The following PDHX variants were observed in gnomAD, a reference collection of about 807,000 sequenced individuals.
PDHX encodes pyruvate dehydrogenase protein X component, mitochondrial.
PDHX carries 33 observed loss-of-function variants against 55.3 expected under a neutral mutation model. That is an observed-to-expected ratio of 0.60 (90% confidence interval 0.45 to 0.80). The LOEUF is 0.80. Among genes scored for constraint, PDHX ranks in the 30% least tolerant of loss-of-function variants. The pLI, the probability that PDHX is intolerant of heterozygous loss-of-function variation, is 0.00. For missense variants in PDHX, 622 were observed against 619.9 expected (o/e 1.00, Z -0.04); for synonymous variants, 226 against 219.4 (o/e 1.03, Z -0.27).
intron 8 of PDHX, among the ~76,000 whole-genome samples, chr11:34,984,357 C>G (rs961079625): frequency 2.0e-5 from 3 of 152,136 alleles, no homozygotes; most frequent in East Asian, 1.9e-4. Flanking sequence ...TTTCTTCAAA[C>G]TTGCTTCAAA....
At chr11:34,994,781 C>A in intron 10 of PDHX, 133 bp from the exon 11 acceptor site, 1 of 902,796 alleles carries the variant, frequency 1.1e-6, no homozygotes, top group Non-Finnish European at 1.8e-6. Context: ...TAAATGTTTC[C>A]TTTTTTCATT....
rs764306740 is a variant in PDHX at position 34,947,249 on chromosome 11, A to G, written c.242-257A>G. On this transcript the variant is annotated intron_variant, in intron 2 of 10. Coordinates refer to ENST00000227868, the MANE Select transcript of PDHX (RefSeq NM_003477.3). The stretch of plus-strand genomic sequence containing the variant: ...AGGTTGATTTCATTTTTACATGCTC[A>G]GTAATCTTTGTAATAGCTTTTTTAT... Among the ~76,000 whole-genome samples, 35 of 152,170 alleles carry G rather than the reference A, an allele frequency of 2.3e-4. 1 individual carries two copies. Among genetic ancestry groups the G allele is most frequent in the Non-Finnish European group, 4.0e-4 (27 of 68,022 alleles).
At chr11:34,982,118 G>A (rs1298484060) in intron 8 of PDHX, among the ~76,000 whole-genome samples, 1 of 152,046 alleles carries the variant, frequency 6.6e-6, no homozygotes, top group East Asian at 1.9e-4. Context: ...TTTCTTCTAG[G>A]GTTTTTATGG....
chr11:34,955,833 A>G (rs1854894761), intron 3 of PDHX, among the ~76,000 whole-genome samples: 1 of 152,104 alleles, frequency 6.6e-6, no homozygotes, highest in East Asian at 1.9e-4. Flanking sequence ...TTTACATTTG[A>G]ATGATGTTCT....
At chr11:34,938,396 A>C (rs1773220220) in intron 2 of PDHX, among the ~76,000 whole-genome samples, 1 of 152,230 alleles carries the variant, frequency 6.6e-6, no homozygotes, top group Admixed American at 6.5e-5. Flanking sequence ...ATTGGAAAGC[A>C]TTTAGAGCAA....
intron 1 of PDHX, among the ~76,000 whole-genome samples, chr11:34,925,756 C>G (rs1329958711): frequency 6.6e-6 from 1 of 152,162 alleles, no homozygotes; most frequent in Non-Finnish European, 1.5e-5. Flanking sequence ...TTGAGCATCT[C>G]TAATCTGAAA....
At chr11:34,992,450 C>T in intron 10 of PDHX, 71 bp downstream of exon 10, 1 of 790,182 alleles carries the variant, frequency 1.3e-6, no homozygotes, top group African/African-American at 1.7e-5. Context: ...TCCCTGTCAG[C>T]CTTTCATTTA....
At chr11:34,991,906 C>CA (rs1169109545) in intron 9 of PDHX, among the ~76,000 whole-genome samples, 3,866 of 36,088 alleles carry the variant, frequency 0.11, 174 homozygotes, top group African/African-American at 0.13. Context: ...TGAGACTTCT[C>CA]AAAAAAAAAA....
chr11:34,926,408 G>C (rs1346300462), intron 1 of PDHX, among the ~76,000 whole-genome samples: 1 of 152,132 alleles, frequency 6.6e-6, no homozygotes, highest in Non-Finnish European at 1.5e-5. Flanking sequence ...ATTAATGTTA[G>C]AGACAGGGAG....
intron 4 of PDHX, 94 bp from the exon 5 acceptor site, chr11:34,960,326 T>C: frequency 1.3e-6 from 1 of 795,696 alleles, no homozygotes; most frequent in Non-Finnish European, 2.2e-6. Context: ...ATAAGATTTT[T>C]TTTTAATTAT....
At chr11:34,974,183 C>T (rs1282433500) in intron 7 of PDHX, among the ~76,000 whole-genome samples, 1 of 152,204 alleles carries the variant, frequency 6.6e-6, no homozygotes, top group African/African-American at 2.4e-5. Context: ...CTCTTTCCCA[C>T]CACCCCTGAC....
At chr11:34,984,150 A>G (rs1855588342) in intron 8 of PDHX, among the ~76,000 whole-genome samples, 1 of 152,206 alleles carries the variant, frequency 6.6e-6, no homozygotes, top group Admixed American at 6.5e-5. Flanking sequence ...TATATATCCC[A>G]GAGCTGGGCT....
intron 7 of PDHX, among the ~76,000 whole-genome samples, chr11:34,975,079 TTAAA>T (rs1449219251): frequency 2.0e-5 from 3 of 152,214 alleles, no homozygotes; most frequent in Non-Finnish European, 4.4e-5. Flanking sequence ...TTTCAGTTCT[TTAAA>T]TAAAGATACT....
chr11:34,980,238 T>C (rs1202646112), intron 8 of PDHX, among the ~76,000 whole-genome samples: 1 of 151,606 alleles, frequency 6.6e-6, no homozygotes, highest in Non-Finnish European at 1.5e-5. Context: ...TTATATATTC[T>C]TAGCTTGTAT....
intron 7 of PDHX, among the ~76,000 whole-genome samples, chr11:34,973,676 A>C (rs1282902426): frequency 1.3e-5 from 2 of 152,100 alleles, no homozygotes; most frequent in Admixed American, 6.6e-5. Flanking sequence ...CCTCATAACT[A>C]TATACTTGCA....
intron 9 of PDHX, among the ~76,000 whole-genome samples, chr11:34,989,526 C>G (rs1056395876): frequency 6.6e-6 from 1 of 151,700 alleles, no homozygotes; most frequent in Non-Finnish European, 1.5e-5. Flanking sequence ...AACCAAGGCT[C>G]TCTACCTGGT....
chr11:34,948,689 T>C (rs924035044), intron 3 of PDHX, among the ~76,000 whole-genome samples: 12 of 152,004 alleles, frequency 7.9e-5, no homozygotes, highest in Non-Finnish European at 1.0e-4. Context: ...TTGAAACATG[T>C]TGATAATACA....
intron 2 of PDHX, among the ~76,000 whole-genome samples, chr11:34,945,860 TC>T (rs2133961152): frequency 6.6e-6 from 1 of 152,338 alleles, no homozygotes; most frequent in Admixed American, 6.5e-5. Flanking sequence ...GCTACACAGA[TC>T]CGTATGCCCC....
rs374492386 is a variant in PDHX, at chr11:34,976,367, CT to C, written c.965-1754del. Reference sequence around the variant, plus strand: ...TACTCAGTAAATGTAACAGCATCTCCTTTCAATATGTTTGGAAAATCTCCAT... The same window carrying C: ...TACTCAGTAAATGTAACAGCATCTCCTTCAATATGTTTGGAAAATCTCCAT... On this transcript the variant is annotated intron_variant, in intron 7 of 10. Coordinates refer to ENST00000227868, the MANE Select transcript of PDHX (RefSeq NM_003477.3). Among the ~76,000 whole-genome samples, 65 of 152,256 alleles carry C rather than the reference CT, an allele frequency of 4.3e-4. No individual in the cohort carries two copies. In the East Asian group the frequency reaches 4.6e-3, roughly 11 times the overall value.
Sources: allele counts gnomAD v4.1 joint callset (sites outside exome capture counted in the v4.1 genomes callset), GRCh38; gene constraint gnomAD v4.1.1; transcripts MANE v1.5; gene names NCBI Gene and HGNC (gene_info 2026-07-23, HGNC 2026-07-21).